CAMK2D: variants seen among roughly 807,000 people sequenced by gnomAD.
The protein encoded by CAMK2D is calcium/calmodulin dependent protein kinase II delta.
A neutral mutation model predicts 84.0 loss-of-function variants in CAMK2D; 37 were observed. The ratio of observed to expected loss-of-function variants is 0.44; its 90% CI spans 0.34 to 0.58. The LOEUF (loss-of-function observed/expected upper bound fraction) is 0.58. Ranked by LOEUF, CAMK2D falls within the 20% of genes least tolerant of loss-of-function variation. The pLI is 0.02. For missense variants in CAMK2D, 448 were observed against 652.5 expected, an observed-to-expected ratio of 0.69 and a Z score of 3.41; for synonymous variants, 202 against 212.5, an observed-to-expected ratio of 0.95 and a Z score of 0.43.
chr4:113,644,336 G>T (rs1292425904), intron 3 of CAMK2D, among the ~76,000 whole-genome samples: 1 of 152,172 alleles, frequency 6.6e-6, no homozygotes, highest in Non-Finnish European at 1.5e-5. Context: ...GCAAAAGTCA[G>T]GAGTCAAAAT....
intron 2 of CAMK2D, among the ~76,000 whole-genome samples, chr4:113,750,025 C>T (rs774816724): frequency 1.3e-5 from 2 of 152,200 alleles, no homozygotes; most frequent in Non-Finnish European, 2.9e-5. Context: ...TTACAAGTAT[C>T]TGCAATATTA....
chr4:113,667,504 G>A (rs1429489297), intron 2 of CAMK2D, among the ~76,000 whole-genome samples: 1 of 152,164 alleles, frequency 6.6e-6, no homozygotes, highest in Non-Finnish European at 1.5e-5. Flanking sequence ...CTTCCTGGAG[G>A]TTTTGGAATT....
chr4:113,621,585 A>G (rs569356168), intron 3 of CAMK2D, among the ~76,000 whole-genome samples: 4 of 152,362 alleles, frequency 2.6e-5, no homozygotes, highest in African/African-American at 9.6e-5. Flanking sequence ...CTTCATGAAT[A>G]GTTGTACCTA....
In CAMK2D at chr4:113,453,106, T is replaced by C. The variant is rs151338559; in HGVS notation, c.*1439A>G. On this transcript the variant is annotated 3_prime_UTR_variant, in exon 21 of 21. Coordinates refer to ENST00000511664, the MANE Select transcript of CAMK2D (RefSeq NM_001321571.2). ...GGGAAGAGAACAAAAATCACAGGAA[T>C]TGAATCAACAAAGGAAAAATGAGAA... 19 of 152,288 alleles carry C rather than the reference T, an allele frequency of 1.2e-4. No individual in the cohort carries two copies. The highest frequency in any genetic ancestry group is 4.6e-4 in the African/African-American group (19 of 41,566). 9.4% of individuals were successfully genotyped at this position (152,288 alleles called of 1,614,324 possible).
At chr4:113,489,079 G>C (rs562428265) in intron 16 of CAMK2D, among the ~76,000 whole-genome samples, 74 of 152,166 alleles carry the variant, frequency 4.9e-4, no homozygotes, top group African/African-American at 1.8e-3. Context: ...AGTCATATAA[G>C]TTACTAATTC....
chr4:113,570,845 CAG>C (rs1233660847), intron 4 of CAMK2D, among the ~76,000 whole-genome samples: 1 of 152,000 alleles, frequency 6.6e-6, no homozygotes, highest in East Asian at 1.9e-4. Flanking sequence ...AAACAATCAA[CAG>C]AGTGAAGAGA....
chr4:113,456,153 A>G (rs1377383790), intron 19 of CAMK2D, among the ~76,000 whole-genome samples: 1 of 152,202 alleles, frequency 6.6e-6, no homozygotes, highest in Non-Finnish European at 1.5e-5. Flanking sequence ...ACAGTGATAT[A>G]TAATTATTAA....
chr4:113,695,510 T>TA (rs1286823017), intron 2 of CAMK2D, among the ~76,000 whole-genome samples: 1 of 152,088 alleles, frequency 6.6e-6, no homozygotes, highest in Non-Finnish European at 1.5e-5. Context: ...CCCATCTCAG[T>TA]AAATGACAAT....
intron 6 of CAMK2D, among the ~76,000 whole-genome samples, chr4:113,542,383 T>C (rs1410409928): frequency 6.6e-6 from 1 of 152,212 alleles, no homozygotes; most frequent in Non-Finnish European, 1.5e-5. Context: ...ATCCAAAATA[T>C]AAATTTCACA....
intron 6 of CAMK2D, among the ~76,000 whole-genome samples, chr4:113,538,645 T>C (rs1229349273): frequency 6.6e-6 from 1 of 152,220 alleles, no homozygotes; most frequent in African/African-American, 2.4e-5. Flanking sequence ...AAAAATCAAA[T>C]TGGCTAAATT....
intron 2 of CAMK2D, among the ~76,000 whole-genome samples, chr4:113,726,391 T>C (rs2148701670): frequency 6.9e-6 from 1 of 145,216 alleles, no homozygotes; most frequent in East Asian, 2.0e-4. Flanking sequence ...TTTTTTTTTT[T>C]TTTTTTTGAG....
intron 13 of CAMK2D, among the ~76,000 whole-genome samples, chr4:113,509,135 A>G (rs1368653494): frequency 6.6e-6 from 1 of 152,210 alleles, no homozygotes; most frequent in Non-Finnish European, 1.5e-5. Flanking sequence ...ATATATCTCA[A>G]CACCTTATGA....
At chr4:113,756,556 A>G (rs1191166448) in intron 2 of CAMK2D, among the ~76,000 whole-genome samples, 1 of 151,986 alleles carries the variant, frequency 6.6e-6, no homozygotes, top group Non-Finnish European at 1.5e-5. Context: ...TATTTTAAAA[A>G]TTTTTCTGCA....
chr4:113,723,106 A>C (rs916042245), intron 2 of CAMK2D, among the ~76,000 whole-genome samples: 1 of 151,768 alleles, frequency 6.6e-6, no homozygotes, highest in East Asian at 2.0e-4. Context: ...AACACATATA[A>C]AATTTTTTGA....
chr4:113,457,308 A>T, intron 19 of CAMK2D, 27 bp downstream of exon 19: 1 of 1,612,298 alleles, frequency 6.2e-7, no homozygotes, highest in South Asian at 1.1e-5. Context: ...GTATTAACAA[A>T]GAAGCTGACA....
chr4:113,476,404 T>C (rs1246987230), intron 16 of CAMK2D, among the ~76,000 whole-genome samples: 1 of 152,024 alleles, frequency 6.6e-6, no homozygotes, highest in African/African-American at 2.4e-5. Flanking sequence ...ACGAGATAAA[T>C]GTGACATAAC....
At position 113,666,281 on chromosome 4, in the gene CAMK2D, A is replaced by G. The variant is rs1189768964; in HGVS notation, c.161-4509T>C. Among the ~76,000 whole-genome samples, 12 of 152,340 alleles carry G rather than the reference A, an allele frequency of 7.9e-5. No homozygotes were observed. In the East Asian group the frequency reaches 2.3e-3, roughly 29 times the overall value. On this transcript the variant is annotated intron_variant, in intron 2 of 20. Transcript: ENST00000511664. ...ACTTATTTACTCCTCCAAATACCCA[A>G]GCATTAAAATATTAACCTTGTTGGG...
chr4:113,670,782 G>C (rs6835848), intron 2 of CAMK2D, among the ~76,000 whole-genome samples: 13 of 151,394 alleles, frequency 8.6e-5, no homozygotes, highest in Admixed American at 1.3e-4. Context: ...AAAAAAATTA[G>C]CCGGGCACAG....
intron 20 of CAMK2D, 61 bp downstream of exon 20, chr4:113,455,665 A>G (rs1229607249): frequency 2.3e-6 from 2 of 884,068 alleles, no homozygotes; most frequent in Middle Eastern, 2.3e-4. Flanking sequence ...GAAGGAAAAC[A>G]GCCATGCAGC....
Sources: gnomAD v4.1 joint callset for allele counts (sites outside exome capture counted in the v4.1 genomes callset) on GRCh38, gnomAD v4.1.1 for gene constraint, MANE v1.5 for transcripts, NCBI Gene and HGNC (gene_info 2026-07-23, HGNC 2026-07-21) for gene names.